The following DCAF15 variants were observed in gnomAD, a reference collection of about 807,000 sequenced individuals.
The protein encoded by DCAF15 is DDB1 and CUL4 associated factor 15.
A neutral mutation model predicts 68.0 loss-of-function variants in DCAF15; 24 were observed. The observed-to-expected ratio is 0.35, with a 90% CI of 0.26 to 0.50. DCAF15 has a LOEUF of 0.50. Among genes scored for constraint, DCAF15 ranks in the 20% least tolerant of loss-of-function variants. The pLI is 0.98. For synonymous variants in DCAF15, 376 were observed against 341.6 expected (o/e 1.10, Z -1.11); for missense variants, 627 against 830.6 (o/e 0.75, Z 3.01).
In DCAF15 at chr19:13,961,162, C is replaced by A; in HGVS notation, c.*167C>A. The A allele has an allele frequency of 1.3e-6, 1 of 769,232 alleles. No individual in the cohort carries two copies. The highest frequency in any genetic ancestry group is 2.1e-6 in the Non-Finnish European group (1 of 477,002). 47.7% of individuals were successfully genotyped at this position (769,232 alleles called of 1,614,324 possible). On this transcript the variant is annotated 3_prime_UTR_variant, in exon 13 of 13. Coordinates refer to ENST00000254337, the MANE Select transcript of DCAF15 (RefSeq NM_138353.4). ...GGGCAGCCTCTGTTGGCCTGAGGGT[C>A]TGGACGCTTTTTATTTATGCCTATT...
Position 13,956,168 on chromosome 19 carries a change from T to C in DCAF15, c.519T>C (p.Ser173=), listed in dbSNP as rs752427686. The change falls in exon 5 of 13, where the codon AGT becomes AGC. Residue 173 remains serine, a synonymous_variant. Transcript: ENST00000254337. ...NGMLMNMMMM[S]DENHRDIYVS... The stretch of plus-strand genomic sequence containing the variant: ...TGCTCATGAACATGATGATGATGAG[T>C]GACGAGAACCACCGTGACATCTACG... The C allele has an allele frequency of 3.7e-6, 6 of 1,609,986 alleles. No individual in the cohort carries two copies. The highest frequency in any genetic ancestry group is 5.1e-6 in the Non-Finnish European group (6 of 1,178,848).
chr19:13,960,744 C>T (rs1257218433), intron 12 of DCAF15, among the ~76,000 whole-genome samples, 164 bp downstream of exon 12: 1 of 152,214 alleles, frequency 6.6e-6, no homozygotes, highest in Non-Finnish European at 1.5e-5. Context: ...GCCTGGGAGC[C>T]TCCCACCAGT....
chr19:13,953,957 C>T (rs1250944415), intron 1 of DCAF15, among the ~76,000 whole-genome samples: 1 of 152,080 alleles, frequency 6.6e-6, no homozygotes, highest in Non-Finnish European at 1.5e-5. Flanking sequence ...TCCCAGCCTC[C>T]TTAGTAGGAT....
rs772365227 is a variant in DCAF15, at chr19:13,959,636, G to A, written c.1274G>A (p.Arg425His). 1.7e-5 allele frequency: 27 copies of A among 1,613,286 alleles called. No individual in the cohort carries two copies. The Admixed American group carries it at 3.3e-4, about 20-fold the overall frequency. Residue 425 changes from arginine (R) to histidine (H), a missense_variant, in exon 8 of 13, where the codon CGC becomes CAC. Coordinates refer to ENST00000254337, the MANE Select transcript of DCAF15 (RefSeq NM_138353.4). ...LPFVVTDLRGRNLRPMRERTA... is the reference protein window; with the variant it reads ...LPFVVTDLRGHNLRPMRERTA... ...TTCGTGGTGACTGATCTTCGTGGCC[G>A]CAACCTGCGGCCCATGCGGGAGCGG...
chr19:13,960,019 T>C lies in DCAF15; in HGVS notation c.1476T>C (p.Ile492=), dbSNP rs750745436. Residue 492 remains isoleucine, a synonymous_variant, in exon 10 of 13, where the codon ATT becomes ATC. Coordinates refer to ENST00000254337, the MANE Select transcript of DCAF15 (RefSeq NM_138353.4). ...CPETNQVLIN[I]GLLLLAFPSP... is the part of the protein sequence containing the mutation. ...AAACCAACCAGGTCCTCATCAACAT[T>C]GGCCTGCTGCTCCTGGCCTTCCCGT... 6.2e-7 allele frequency: 1 copy of C among 1,612,966 alleles called. No homozygotes were observed. The highest frequency in any genetic ancestry group is 8.5e-7 in the Non-Finnish European group (1 of 1,179,888).
In DCAF15 at chr19:13,961,252, C is replaced by G; in HGVS notation, c.*257C>G. ...ACCAGCCTGAGTGCCCCGCCTTCACCCCGAGCTGGGCATGGGCCTGGCCCC... is the reference window on the plus strand; with the variant it reads ...ACCAGCCTGAGTGCCCCGCCTTCACGCCGAGCTGGGCATGGGCCTGGCCCC... On this transcript the variant is annotated 3_prime_UTR_variant, in exon 13 of 13. Transcript: ENST00000254337. 1 of 565,044 alleles carries G rather than the reference C, an allele frequency of 1.8e-6. No individual in the cohort carries two copies. Among genetic ancestry groups the G allele is most frequent in the South Asian group, 2.0e-5 (1 of 50,160 alleles). 35.0% of individuals were successfully genotyped at this position (565,044 alleles called of 1,614,324 possible).
Position 13,952,517 on chromosome 19 carries a change from C to T in DCAF15, c.5C>T (p.Ala2Val), listed in dbSNP as rs1015834705. ...AAGTGGAGGGAGGGGGTGAAAATGG[C>T]GCCCAGCTCGAAATCGGAGCGGAAC... M[A>V]PSSKSERNSG... The change falls in exon 1 of 13, where the codon GCG becomes GTG. Residue 2 changes from alanine to valine, a missense_variant. Physicochemically the swap from Ala to Val is moderately conservative, Grantham distance 64 (BLOSUM62 0). This residue lies in a region of DCAF15 where 273 missense variants were observed against 393.7 expected (regional missense o/e 0.69). Coordinates refer to ENST00000254337, the MANE Select transcript of DCAF15 (RefSeq NM_138353.4). 8.0e-5 allele frequency: 100 copies of T among 1,249,976 alleles called. No individual in the cohort carries two copies. The African/African-American group carries it at 1.5e-3, about 19-fold the overall frequency. 77.4% of individuals were successfully genotyped at this position (1,249,976 alleles called of 1,614,324 possible).
At position 13,956,376 on chromosome 19, in the gene DCAF15, G is replaced by A. The variant is rs768041004; in HGVS notation, c.638G>A (p.Arg213Gln). The change falls in exon 6 of 13, where the codon CGG becomes CAG. Residue 213 changes from arginine (R) to glutamine (Q), a missense_variant. This residue lies in a region of DCAF15 where 273 missense variants were observed against 393.7 expected (regional missense o/e 0.69). Transcript: ENST00000254337. ...HPGDPNAQCLRHGFMLHTKYQ... is the reference protein window; with the variant it reads ...HPGDPNAQCLQHGFMLHTKYQ... The stretch of plus-strand genomic sequence containing the variant: ...GGAGACCCGAATGCACAGTGCCTAC[G>A]GCATGGCTTCATGCTGCACACCAAG... 12 of 1,613,758 alleles carry A rather than the reference G, an allele frequency of 7.4e-6. No homozygotes were observed. Among genetic ancestry groups the A allele is most frequent in the Middle Eastern group, 1.7e-4 (1 of 6,060 alleles).
Position 13,961,266 on chromosome 19 carries a change from G to A in DCAF15, c.*271G>A, listed in dbSNP as rs1392095182. 8 of 550,816 alleles carry A rather than the reference G, an allele frequency of 1.5e-5. No individual in the cohort carries two copies. The highest frequency in any genetic ancestry group is 2.3e-5 in the Non-Finnish European group (7 of 305,708). 34.1% of individuals were successfully genotyped at this position (550,816 alleles called of 1,614,324 possible). On this transcript the variant is annotated 3_prime_UTR_variant, in exon 13 of 13. Coordinates refer to ENST00000254337, the MANE Select transcript of DCAF15 (RefSeq NM_138353.4). ...CCCGCCTTCACCCCGAGCTGGGCAT[G>A]GGCCTGGCCCCTCGTGCATTTGCCC...
chr19:13,956,637 C>T (rs1308314530), intron 6 of DCAF15, 115 bp downstream of exon 6: 3 of 1,205,112 alleles, frequency 2.5e-6, no homozygotes. Flanking sequence ...TTCCCCAAGT[C>T]ACACAGCCTG....
chr19:13,959,186 G>C lies in DCAF15; in HGVS notation c.926G>C (p.Gly309Ala). Reference protein sequence around the residue: ...CPEAAPARSSGSPEPSPAIAK... With the variant: ...CPEAAPARSSASPEPSPAIAK... ...GAGGCGGCCCCAGCCCGTTCTTCTG[G>C]GTCTCCTGAGCCCTCGCCCGCCATT... Residue 309 changes from glycine (G) to alanine (A), a missense_variant, in exon 7 of 13, where the codon GGG becomes GCG. By Grantham distance (60) the Gly-to-Ala change is moderately conservative. Transcript: ENST00000254337. The C allele has an allele frequency of 6.2e-7, 1 of 1,612,646 alleles. No homozygotes were observed. Among genetic ancestry groups the C allele is most frequent in the Non-Finnish European group, 8.5e-7 (1 of 1,179,880 alleles).
At chr19:13,959,534 G>A (rs1397818162) in intron 7 of DCAF15, 48 bp from the exon 8 acceptor site, 7 of 1,611,352 alleles carry the variant, frequency 4.3e-6, no homozygotes, top group African/African-American at 1.3e-5. Context: ...CAGCCCAGAC[G>A]GGGCCCCTGG....
At chr19:13,954,194 A>G (rs2145485979) in intron 1 of DCAF15, 146 bp from the exon 2 acceptor site, 4 of 683,302 alleles carry the variant, frequency 5.9e-6, no homozygotes, top group Non-Finnish European at 1.0e-5. Context: ...AGTTGTTCCC[A>G]CCTTCCAGAG....
At position 13,954,509 on chromosome 19, in the gene DCAF15, C is replaced by G. The variant is rs1421454480; in HGVS notation, c.231-17C>G. 6.2e-7 allele frequency: 1 copy of G among 1,614,080 alleles called. No homozygotes were observed. The highest frequency in any genetic ancestry group is 2.2e-5 in the East Asian group (1 of 44,882). On this transcript the variant is annotated splice_polypyrimidine_tract_variant and intron_variant, in intron 2 of 12. Transcript: ENST00000254337. Reference sequence around the variant, plus strand: ...GCTCGCCCTGACCTGGCCGCTGTGCCCCCTCCACCCCCACAGACATATCTT... The same window carrying G: ...GCTCGCCCTGACCTGGCCGCTGTGCGCCCTCCACCCCCACAGACATATCTT...
Position 13,961,415 on chromosome 19 carries a change from C to G in DCAF15, c.*420C>G, listed in dbSNP as rs887358553. On this transcript the variant is annotated 3_prime_UTR_variant, in exon 13 of 13. Coordinates refer to ENST00000254337, the MANE Select transcript of DCAF15 (RefSeq NM_138353.4). ...ACCTGGCCATCCCCATTCCGTTCTTCTTCATGTAATAAATGTTTTAATTTC... is the reference window on the plus strand; with the variant it reads ...ACCTGGCCATCCCCATTCCGTTCTTGTTCATGTAATAAATGTTTTAATTTC... 12 of 201,030 alleles carry G rather than the reference C, an allele frequency of 6.0e-5. No homozygotes were observed. Among genetic ancestry groups the G allele is most frequent in the African/African-American group, 2.8e-4 (12 of 43,014 alleles). The allele number at this position is 201,030 out of a possible 1,614,324, so 12.5% of individuals were successfully genotyped here. A position where few individuals can be genotyped will look rare whatever the true frequency, so the allele number is the denominator to read the frequency against.
Position 13,961,323 on chromosome 19 carries a change from C to CG in DCAF15, c.*332dup, listed in dbSNP as rs545155411. ...CGGCTACAGCTGTGGACGTTGCCCT[C>CG]GGGGAGGTCGAATGGACCCCATTCC... On this transcript the variant is annotated 3_prime_UTR_variant, in exon 13 of 13. Transcript: ENST00000254337. The CG allele has an allele frequency of 1.3e-3, 529 of 399,874 alleles. 2 individuals are homozygous for CG. The highest frequency in any genetic ancestry group is 2.0e-3 in the Non-Finnish European group (418 of 213,038). The allele number at this position is 399,874 out of a possible 1,614,324, so 24.8% of individuals were successfully genotyped here. A position where few individuals can be genotyped will look rare whatever the true frequency, so the allele number is the denominator to read the frequency against.
Position 13,954,321 on chromosome 19 carries a change from CT to C in DCAF15, c.133-18del. ...GGCTGCAGATGGTGCCTGAAGTGCC[CT>C]GGCCACCCCTTCCCCAGATCAGCGG... On this transcript the variant is annotated intron_variant, in intron 1 of 12. Transcript: ENST00000254337. 6.2e-7 allele frequency: 1 copy of C among 1,610,362 alleles called. No individual in the cohort carries two copies.
At chr19:13,955,814 C>A in intron 3 of DCAF15, 98 bp from the exon 4 acceptor site, 1 of 1,260,228 alleles carries the variant, frequency 7.9e-7, no homozygotes, top group Non-Finnish European at 1.1e-6. Flanking sequence ...GTGCTCCTAC[C>A]CGCTCAGCCC....
chr19:13,961,144 C>G lies in DCAF15; in HGVS notation c.*149C>G. Reference sequence around the variant, plus strand: ...GCGGAACGGGGCTGGGCAGGGCAGCCTCTGTTGGCCTGAGGGTCTGGACGC... The same window carrying G: ...GCGGAACGGGGCTGGGCAGGGCAGCGTCTGTTGGCCTGAGGGTCTGGACGC... On this transcript the variant is annotated 3_prime_UTR_variant, in exon 13 of 13. Coordinates refer to ENST00000254337, the MANE Select transcript of DCAF15 (RefSeq NM_138353.4). 1 of 904,988 alleles carries G rather than the reference C, an allele frequency of 1.1e-6. No homozygotes were observed. The highest frequency in any genetic ancestry group is 1.7e-6 in the Non-Finnish European group (1 of 584,096). The allele number at this position is 904,988 out of a possible 1,614,324, so 56.1% of individuals were successfully genotyped here.
Sources: gnomAD v4.1 joint callset for allele counts (sites outside exome capture counted in the v4.1 genomes callset) on GRCh38, gnomAD v4.1.1 for gene constraint, gnomAD v4.1.1 regional missense constraint, MANE v1.5 for transcripts, NCBI Gene and HGNC (gene_info 2026-07-23, HGNC 2026-07-21) for gene names.